The following MIPOL1 variants were observed in gnomAD, a reference collection of about 807,000 sequenced individuals.
MIPOL1 encodes the protein mirror-image polydactyly gene 1 protein.
In MIPOL1, 57 loss-of-function variants were observed where a neutral mutation model predicts 60.9. That is an observed-to-expected ratio of 0.94 (90% CI 0.76 to 1.17). The LOEUF is 1.17. MIPOL1 is among the 50% of genes most tolerant of loss of function. The pLI, the probability that MIPOL1 is intolerant of heterozygous loss-of-function variation, is 0.00. For missense variants in MIPOL1, 551 were observed against 511.6 expected (o/e 1.08, Z -0.74); for synonymous variants, 179 against 168.8 (o/e 1.06, Z -0.47).
At chr14:37,337,356 A>ATAT (rs372467259) in intron 9 of MIPOL1, among the ~76,000 whole-genome samples, 9 of 30,058 alleles carry the variant, frequency 3.0e-4, no homozygotes, top group African/African-American at 1.3e-3. Context: ...ATATATATAT[A>ATAT]TTTTTTTTTT....
chr14:37,388,420 G>A lies in MIPOL1; in HGVS notation c.936+18796G>A, dbSNP rs114156630. 1.7e-3 allele frequency among the ~76,000 whole-genome samples: 255 copies of A among 150,956 alleles called. 1 individual carries two copies. Among genetic ancestry groups the A allele is most frequent in the African/African-American group, 5.8e-3 (240 of 41,204 alleles). On this transcript the variant is annotated intron_variant, in intron 10 of 12. Transcript: ENST00000684589. ...TGCTCAAGCATAAATGAAACTTATC[G>A]TTCACATAGTTGAAAAGACCAAGGA...
chr14:37,461,162 A>G (rs1227636264), intron 11 of MIPOL1, among the ~76,000 whole-genome samples: 1 of 152,176 alleles, frequency 6.6e-6, no homozygotes, highest in Non-Finnish European at 1.5e-5. Context: ...GTCTGTTTTC[A>G]CACTGCTGAT....
intron 10 of MIPOL1, among the ~76,000 whole-genome samples, chr14:37,372,784 G>A (rs1325417469): frequency 1.3e-5 from 2 of 150,744 alleles, no homozygotes; most frequent in East Asian, 3.9e-4. Context: ...GCTAGGCATA[G>A]CACTGTTTCT....
At chr14:37,240,743 TATTC>T (rs1243285093) in intron 1 of MIPOL1, among the ~76,000 whole-genome samples, 21 of 152,118 alleles carry the variant, frequency 1.4e-4, no homozygotes, top group Non-Finnish European at 1.0e-4. Flanking sequence ...TGCAGTGCCA[TATTC>T]ATTCTCAAAG....
chr14:37,412,372 A>T (rs2093693947), intron 10 of MIPOL1, among the ~76,000 whole-genome samples: 1 of 152,130 alleles, frequency 6.6e-6, no homozygotes, highest in Non-Finnish European at 1.5e-5. Context: ...TTGTCATAAA[A>T]AAAAGGCTTT....
At chr14:37,395,038 G>A (rs1450713093) in intron 10 of MIPOL1, among the ~76,000 whole-genome samples, 1 of 151,928 alleles carries the variant, frequency 6.6e-6, no homozygotes, top group South Asian at 2.1e-4. Context: ...TCCCCACTTT[G>A]TTTTTGTTTG....
intron 1 of MIPOL1, among the ~76,000 whole-genome samples, chr14:37,245,998 T>G (rs1973142770): frequency 6.6e-6 from 1 of 152,148 alleles, no homozygotes; most frequent in African/African-American, 2.4e-5. Context: ...TTGTTAGTCT[T>G]TACATTTTGA....
At chr14:37,283,168 C>T (rs965756385) in intron 6 of MIPOL1, among the ~76,000 whole-genome samples, 2 of 152,048 alleles carry the variant, frequency 1.3e-5, no homozygotes, top group Admixed American at 6.6e-5. Context: ...CGGGTTCAAG[C>T]GATTCTCCTG....
intron 9 of MIPOL1, among the ~76,000 whole-genome samples, chr14:37,309,361 ATTG>A (rs770115510): frequency 1.3e-4 from 19 of 151,968 alleles, no homozygotes; most frequent in Non-Finnish European, 2.5e-4. Flanking sequence ...AGTGCACACT[ATTG>A]TTGTAGTCGT....
intron 11 of MIPOL1, among the ~76,000 whole-genome samples, chr14:37,456,068 T>C (rs1054920084): frequency 6.6e-6 from 1 of 151,858 alleles, no homozygotes; most frequent in Non-Finnish European, 1.5e-5. Context: ...TCCTTGGTCT[T>C]ATCAATATCA....
intron 10 of MIPOL1, among the ~76,000 whole-genome samples, chr14:37,390,288 A>G (rs2093201229): frequency 6.6e-6 from 1 of 152,080 alleles, no homozygotes; most frequent in South Asian, 2.1e-4. Context: ...GTTCTTAATT[A>G]AAATGATCAG....
intron 9 of MIPOL1, among the ~76,000 whole-genome samples, chr14:37,353,602 C>T (rs1046955893): frequency 2.0e-5 from 3 of 150,982 alleles, no homozygotes; most frequent in African/African-American, 7.3e-5. Context: ...TTGGTCTATT[C>T]AGAGATTCAA....
intron 11 of MIPOL1, among the ~76,000 whole-genome samples, chr14:37,433,791 G>T (rs1287831047): frequency 6.6e-6 from 1 of 152,142 alleles, no homozygotes; most frequent in East Asian, 1.9e-4. Flanking sequence ...CCTTATCTCA[G>T]GTGATCCACC....
intron 12 of MIPOL1, among the ~76,000 whole-genome samples, chr14:37,516,301 A>G (rs556696819): frequency 6.6e-6 from 1 of 152,294 alleles, no homozygotes; most frequent in South Asian, 2.1e-4. Context: ...TTCAACCTCA[A>G]AAATAAATGG....
At chr14:37,535,129 A>G (rs1019434537) in intron 12 of MIPOL1, among the ~76,000 whole-genome samples, 4 of 152,180 alleles carry the variant, frequency 2.6e-5, no homozygotes, top group Admixed American at 2.6e-4. Flanking sequence ...TTTATATCCA[A>G]CGTTTATGTT....
chr14:37,363,992 G>A lies in MIPOL1; in HGVS notation c.829-5525G>A, dbSNP rs555885542. Among the ~76,000 whole-genome samples, 38 of 152,298 alleles carry A rather than the reference G, an allele frequency of 2.5e-4. 1 individual carries two copies. In the South Asian group the frequency reaches 7.2e-3, roughly 29 times the overall value. ...GCTGGTTGCTAAGACCATGGGAAAA[G>A]CACAGTATTTGGGCCGGAATGTCCC... On this transcript the variant is annotated intron_variant, in intron 9 of 12. Transcript: ENST00000684589.
At chr14:37,312,721 T>G (rs7157931) in intron 9 of MIPOL1, among the ~76,000 whole-genome samples, 148,059 of 152,110 alleles carry the variant, frequency 0.97, 72,101 homozygotes, top group East Asian at 1. Context: ...GTCTTTCATA[T>G]AATTAATTTA....
At chr14:37,532,751 G>T (rs191094812) in intron 12 of MIPOL1, among the ~76,000 whole-genome samples, 2 of 152,254 alleles carry the variant, frequency 1.3e-5, no homozygotes, top group East Asian at 3.9e-4. Context: ...AACTTTGGTA[G>T]AAATACCTAT....
At chr14:37,280,131 T>C (rs532260816) in intron 6 of MIPOL1, among the ~76,000 whole-genome samples, 2 of 152,302 alleles carry the variant, frequency 1.3e-5, no homozygotes, top group African/African-American at 4.8e-5. Flanking sequence ...CTTCTTTTTT[T>C]CAGCTTTTCC....
Sources: gnomAD v4.1 joint callset for allele counts (sites outside exome capture counted in the v4.1 genomes callset) on GRCh38, gnomAD v4.1.1 for gene constraint, MANE v1.5 for transcripts, NCBI Gene and HGNC (gene_info 2026-07-23, HGNC 2026-07-21) for gene names.